Variants in ZPBP observed in about 807,000 individuals in gnomAD.
The protein encoded by ZPBP is zona pellucida-binding protein 1.
In ZPBP, 26 loss-of-function variants were observed where a neutral mutation model predicts 44.8. The ratio of observed to expected loss-of-function variants is 0.58; its 90% CI spans 0.43 to 0.81. The LOEUF is 0.81. Among genes scored for constraint, ZPBP ranks in the 30% least tolerant of loss-of-function variants. The pLI is 0.00. For missense variants in ZPBP, 409 were observed against 434.0 expected, an observed-to-expected ratio of 0.94 and a Z score of 0.51; for synonymous variants, 174 against 153.2, an observed-to-expected ratio of 1.14 and a Z score of -1.00.
chr7:50,016,517 A>G (rs575234187), intron 6 of ZPBP, among the ~76,000 whole-genome samples: 1 of 152,246 alleles, frequency 6.6e-6, no homozygotes, highest in African/African-American at 2.4e-5. Flanking sequence ...TTACCCATGT[A>G]ACAAACCTGC....
At chr7:50,077,249 C>T (rs780890975) in intron 3 of ZPBP, among the ~76,000 whole-genome samples, 2 of 151,752 alleles carry the variant, frequency 1.3e-5, no homozygotes, top group Non-Finnish European at 3.0e-5. Flanking sequence ...AAGATCAAAT[C>T]AAAATAGATT....
At chr7:49,981,711 TTA>T (rs1796983840) in intron 7 of ZPBP, among the ~76,000 whole-genome samples, 3 of 95,688 alleles carry the variant, frequency 3.1e-5, no homozygotes, top group South Asian at 3.0e-4. Flanking sequence ...ATATAATATA[TTA>T]TATATAATAT....
At chr7:50,055,859 A>T (rs902726620) in intron 4 of ZPBP, among the ~76,000 whole-genome samples, 1 of 152,200 alleles carries the variant, frequency 6.6e-6, no homozygotes, top group East Asian at 1.9e-4. Flanking sequence ...CTTATGAGTG[A>T]TTCTGAAGTA....
intron 1 of ZPBP, chr7:49,915,713 T>C (rs1000755740): frequency 6.6e-6 from 1 of 152,050 alleles, no homozygotes; most frequent in Admixed American, 6.6e-5. Context: ...AACTATGATT[T>C]TAAAAATATT....
At chr7:50,082,212 A>G (rs868570503) in intron 2 of ZPBP, among the ~76,000 whole-genome samples, 1 of 151,740 alleles carries the variant, frequency 6.6e-6, no homozygotes, top group African/African-American at 2.4e-5. Flanking sequence ...TATTATTTCA[A>G]TAACAAAGTA....
At chr7:49,947,206 T>G (rs1328392976) in intron 7 of ZPBP, among the ~76,000 whole-genome samples, 1 of 152,154 alleles carries the variant, frequency 6.6e-6, no homozygotes, top group Non-Finnish European at 1.5e-5. Context: ...GTGCCCTATT[T>G]AGTTCATTTG....
At chr7:50,058,988 T>C (rs1801111800) in intron 3 of ZPBP, among the ~76,000 whole-genome samples, 1 of 152,212 alleles carries the variant, frequency 6.6e-6, no homozygotes, top group South Asian at 2.1e-4. Context: ...TATGATAGCC[T>C]ATCTCACAGG....
downstream of ZPBP, among the ~76,000 whole-genome samples, chr7:49,846,902 A>G (rs1789964614): frequency 6.6e-6 from 1 of 152,210 alleles, no homozygotes; most frequent in Non-Finnish European, 1.5e-5. Flanking sequence ...ATATTATGAT[A>G]CAAATATCTG....
intron 3 of ZPBP, among the ~76,000 whole-genome samples, chr7:50,060,456 A>G (rs1255101781): frequency 6.6e-6 from 1 of 152,148 alleles, no homozygotes; most frequent in Non-Finnish European, 1.5e-5. Flanking sequence ...CCAAATAAAC[A>G]CCATCAGAAA....
intron 1 of ZPBP, among the ~76,000 whole-genome samples, chr7:50,090,385 T>C (rs992088985): frequency 3.3e-5 from 5 of 152,074 alleles, no homozygotes; most frequent in African/African-American, 1.2e-4. Context: ...TCACTTAGAA[T>C]AATAGTCTCC....
At chr7:49,845,089 A>G in the ZPBP span, among the ~76,000 whole-genome samples, 1 of 152,130 alleles carries the variant, frequency 6.6e-6, no homozygotes, top group Non-Finnish European at 1.5e-5. Flanking sequence ...ATGAGAACAC[A>G]TGAACACATG....
At chr7:50,069,116 G>C (rs1308622224) in intron 3 of ZPBP, among the ~76,000 whole-genome samples, 2 of 152,100 alleles carry the variant, frequency 1.3e-5, no homozygotes, top group Non-Finnish European at 2.9e-5. Context: ...TAATTTCCCT[G>C]AGCCCTGATT....
At chr7:50,080,071 T>G (rs2128850867) in intron 3 of ZPBP, among the ~76,000 whole-genome samples, 1 of 151,838 alleles carries the variant, frequency 6.6e-6, no homozygotes, top group East Asian at 1.9e-4. Context: ...ATTACATGAT[T>G]TATTTGGCTC....
intron 6 of ZPBP, among the ~76,000 whole-genome samples, chr7:49,999,974 T>C (rs914932231): frequency 6.6e-6 from 1 of 152,162 alleles, no homozygotes; most frequent in East Asian, 1.9e-4. Flanking sequence ...ATGTGCTTGA[T>C]GTACACAGAG....
At chr7:50,038,460 C>T (rs1039414973) in intron 4 of ZPBP, among the ~76,000 whole-genome samples, 101 of 152,250 alleles carry the variant, frequency 6.6e-4, no homozygotes, top group African/African-American at 2.4e-3. Context: ...TTCAAGAAAC[C>T]CAAATTTAAC....
intron 1 of ZPBP, among the ~76,000 whole-genome samples, chr7:49,902,549 G>A (rs547579513): frequency 2.3e-5 from 3 of 131,504 alleles, no homozygotes; most frequent in South Asian, 4.7e-4. Flanking sequence ...TTGGATATCC[G>A]TAGCCAAAAA....
intron 4 of ZPBP, among the ~76,000 whole-genome samples, chr7:50,043,326 C>T (rs1800187457): frequency 1.3e-5 from 2 of 152,326 alleles, no homozygotes; most frequent in South Asian, 4.1e-4. Flanking sequence ...ACTCCACACT[C>T]TATATTTCTA....
chr7:50,039,267 C>T (rs1387875101), intron 4 of ZPBP, among the ~76,000 whole-genome samples: 4 of 151,856 alleles, frequency 2.6e-5, no homozygotes, highest in African/African-American at 7.3e-5. Flanking sequence ...AATGCAAGAG[C>T]TGAAAAGTAA....
chr7:49,972,311 G>A (rs1796332101), intron 7 of ZPBP, among the ~76,000 whole-genome samples: 1 of 151,866 alleles, frequency 6.6e-6, no homozygotes, highest in Non-Finnish European at 1.5e-5. Context: ...TCTGTTCACA[G>A]ATGACATTAT....
Sources: allele counts gnomAD v4.1 joint callset (sites outside exome capture counted in the v4.1 genomes callset), GRCh38; gene constraint gnomAD v4.1.1; transcripts MANE v1.5; gene names NCBI Gene and HGNC (gene_info 2026-07-23, HGNC 2026-07-21).